USH2A: variants seen among roughly 807,000 people sequenced by gnomAD.
USH2A encodes the protein Usher syndrome 2A (autosomal recessive, mild).
Under a neutral mutation model 538.9 loss-of-function variants are expected in USH2A, and 443 were observed. That is an observed-to-expected ratio of 0.82 (90% confidence interval 0.76 to 0.89). USH2A has a LOEUF of 0.89. Among genes scored for constraint, USH2A ranks in the 40% least tolerant of loss-of-function variants. USH2A has a pLI of 0.00. For missense variants in USH2A, 6,633 were observed against 6,324.8 expected, an observed-to-expected ratio of 1.05 and a Z score of -1.65; for synonymous variants, 2,413 against 2,273.5, an observed-to-expected ratio of 1.06 and a Z score of -1.75.
intron 21 of USH2A, 23 bp from the exon 22 acceptor site, chr1:216,097,236 C>A: frequency 6.2e-7 from 1 of 1,614,004 alleles, no homozygotes; most frequent in East Asian, 2.2e-5. Flanking sequence ...GTGTGATCAG[C>A]AAATCAGTGC....
At chr1:216,145,227 T>A (rs1425922670) in intron 21 of USH2A, among the ~76,000 whole-genome samples, 3 of 152,176 alleles carry the variant, frequency 2.0e-5, no homozygotes, top group African/African-American at 7.2e-5. Context: ...CAATTCCAAA[T>A]TCTCATGCGA....
intron 9 of USH2A, among the ~76,000 whole-genome samples, chr1:216,317,533 A>T (rs2102645473): frequency 6.6e-6 from 1 of 152,166 alleles, no homozygotes; most frequent in South Asian, 2.1e-4. Flanking sequence ...CACATCCTAC[A>T]CATGTTCCTC....
intron 62 of USH2A, among the ~76,000 whole-genome samples, chr1:215,676,609 C>T (rs1416147296): frequency 1.3e-5 from 2 of 152,028 alleles, no homozygotes; most frequent in African/African-American, 4.8e-5. Flanking sequence ...TCCATTTTTT[C>T]CCTAAGATTA....
intron 48 of USH2A, among the ~76,000 whole-genome samples, chr1:215,815,013 G>A (rs1396179657): frequency 2.0e-5 from 3 of 151,984 alleles, no homozygotes; most frequent in African/African-American, 7.2e-5. Flanking sequence ...CAGTGATTTA[G>A]CCAAAAAGCT....
intron 21 of USH2A, among the ~76,000 whole-genome samples, chr1:216,159,009 T>A (rs1196714376): frequency 6.6e-6 from 1 of 152,144 alleles, no homozygotes; most frequent in African/African-American, 2.4e-5. Flanking sequence ...TTCTACTTGT[T>A]TTTTGCTATT....
chr1:216,076,550 T>C (rs147324675), intron 27 of USH2A, among the ~76,000 whole-genome samples: 70 of 152,132 alleles, frequency 4.6e-4, no homozygotes, highest in African/African-American at 1.7e-3. Context: ...GCAAACAGGA[T>C]TAAGTAATCT....
chr1:216,163,611 T>C (rs973394138), intron 21 of USH2A, among the ~76,000 whole-genome samples: 3 of 148,472 alleles, frequency 2.0e-5, no homozygotes, highest in African/African-American at 7.5e-5. Flanking sequence ...TCAGCAAATA[T>C]CTAAATATTT....
At chr1:216,059,036 GA>G (rs1335208103) in intron 30 of USH2A, among the ~76,000 whole-genome samples, 3 of 151,284 alleles carry the variant, frequency 2.0e-5, no homozygotes, top group African/African-American at 7.3e-5. Context: ...CAGTTGAATA[GA>G]AAAAAAAATT....
chr1:216,139,456 T>C (rs1009235193), intron 21 of USH2A, among the ~76,000 whole-genome samples: 3 of 152,124 alleles, frequency 2.0e-5, no homozygotes, highest in African/African-American at 7.2e-5. Context: ...TCATTTTCTT[T>C]CCTTCTAGTT....
chr1:216,399,430 T>C (rs887817139), intron 3 of USH2A, among the ~76,000 whole-genome samples: 5 of 152,154 alleles, frequency 3.3e-5, no homozygotes, highest in African/African-American at 1.2e-4. Flanking sequence ...GACTGTGTGC[T>C]AGGTGTTAGG....
At chr1:216,327,320 G>A (rs1006537617) in intron 5 of USH2A, among the ~76,000 whole-genome samples, 22 of 152,098 alleles carry the variant, frequency 1.4e-4, no homozygotes, top group African/African-American at 4.8e-4. Flanking sequence ...TGTATCCCAA[G>A]TTTTATAAAA....
chr1:216,265,208 T>G (rs1167051557), intron 11 of USH2A, among the ~76,000 whole-genome samples: 2 of 141,618 alleles, frequency 1.4e-5, no homozygotes, highest in African/African-American at 6.3e-5. Context: ...GACAGACATT[T>G]CTCAAAAGAA....
intron 10 of USH2A, among the ~76,000 whole-genome samples, chr1:216,291,184 A>G (rs181181928): frequency 3.3e-5 from 5 of 152,206 alleles, no homozygotes; most frequent in Admixed American, 2.6e-4. Context: ...ATGGCTCCAG[A>G]GTCCTCTATG....
At chr1:215,771,126 TA>T (rs5780852) in intron 55 of USH2A, among the ~76,000 whole-genome samples, 62 of 134,782 alleles carry the variant, frequency 4.6e-4, no homozygotes, top group Admixed American at 3.8e-4. Flanking sequence ...CTAGACTGCC[TA>T]AAAAAAAAAA....
chr1:215,795,063 C>A (rs1003616587), intron 50 of USH2A, among the ~76,000 whole-genome samples: 3 of 152,136 alleles, frequency 2.0e-5, no homozygotes, highest in Non-Finnish European at 2.9e-5. Flanking sequence ...TTTGTTCTGA[C>A]ACCTAAATTT....
Position 216,289,262 on chromosome 1 carries a change from A to G in USH2A, c.1971+18T>C. 1 of 1,613,716 alleles carries G rather than the reference A, an allele frequency of 6.2e-7. No homozygotes were observed. The highest frequency in any genetic ancestry group is 8.5e-7 in the Non-Finnish European group (1 of 1,179,658). On this transcript the variant is annotated intron_variant, in intron 11 of 71. Transcript: ENST00000307340. Reference sequence around the variant, plus strand: ...CAGACAGAGTAATCCTTTACCTTAAATACTCAGAAAAACTCACCTGATCAC... The same window carrying G: ...CAGACAGAGTAATCCTTTACCTTAAGTACTCAGAAAAACTCACCTGATCAC...
intron 21 of USH2A, among the ~76,000 whole-genome samples, chr1:216,137,036 T>A (rs1290056505): frequency 1.3e-5 from 2 of 152,186 alleles, no homozygotes; most frequent in Non-Finnish European, 2.9e-5. Context: ...TTTTCCCATG[T>A]CTATTGGATG....
At chr1:216,092,208 G>A (rs2032319217) in intron 22 of USH2A, among the ~76,000 whole-genome samples, 1 of 152,098 alleles carries the variant, frequency 6.6e-6, no homozygotes, top group Non-Finnish European at 1.5e-5. Flanking sequence ...TATTTACTGG[G>A]CATCTACTAT....
chr1:216,000,660 G>C, intron 32 of USH2A, 98 bp from the exon 33 acceptor site: 1 of 1,446,392 alleles, frequency 6.9e-7, no homozygotes, highest in Non-Finnish European at 9.7e-7. Flanking sequence ...GAATTGTTAA[G>C]ATAAGGCTTA....
Sources: allele counts gnomAD v4.1 joint callset (sites outside exome capture counted in the v4.1 genomes callset), GRCh38; gene constraint gnomAD v4.1.1; transcripts MANE v1.5; gene names NCBI Gene and HGNC (gene_info 2026-07-23, HGNC 2026-07-21).